Variants in ATP2C2 observed in about 807,000 individuals in gnomAD.
ATP2C2 encodes calcium-transporting ATPase type 2C member 2.
In ATP2C2, 171 loss-of-function variants were observed where a neutral mutation model predicts 110.8. The ratio of observed to expected loss-of-function variants is 1.54; its 90% CI spans 1.36 to 1.75. ATP2C2 has a LOEUF of 1.75. Ranked by LOEUF, ATP2C2 falls within the 40% of genes most tolerant of loss-of-function variation. The pLI, the probability that ATP2C2 is intolerant of heterozygous loss-of-function variation, is 0.00. For synonymous variants in ATP2C2, 804 were observed against 508.4 expected (o/e 1.58, Z -7.82); for missense variants, 1,963 against 1,235.0 (o/e 1.59, Z -8.84).
rs372221780 is a variant in ATP2C2, at chr16:84,448,605, G to C, written c.1576G>C (p.Gly526Arg). The C allele has an allele frequency of 6.2e-6, 10 of 1,613,882 alleles. No individual in the cohort carries two copies. Among genetic ancestry groups the C allele is most frequent in the Non-Finnish European group, 8.5e-6 (10 of 1,179,950 alleles). Residue 526 changes from glycine to arginine, a missense_variant, in exon 17 of 27, where the codon GGG becomes CGG. Transcript: ENST00000262429. ...CCGCTACTGCACCATGTACAACAAC[G>C]GGGGCATCCCCCTGCCGCTGACGCC... ...VIRYCTMYNN[G>R]GIPLPLTPQQ...
chr16:84,408,123 C>A (rs531347324), intron 3 of ATP2C2, among the ~76,000 whole-genome samples: 1 of 152,164 alleles, frequency 6.6e-6, no homozygotes, highest in Non-Finnish European at 1.5e-5. Context: ...CCTGGAGCGT[C>A]ATGGAGATGT....
At chr16:84,453,291 A>G (rs373341162) in intron 19 of ATP2C2, 30 bp from the exon 20 acceptor site, 2 of 1,613,844 alleles carry the variant, frequency 1.2e-6, no homozygotes, top group African/African-American at 1.3e-5. Flanking sequence ...TTGAAATCTG[A>G]TTCTTCGTCT....
chr16:84,391,956 T>C (rs1904691046), intron 1 of ATP2C2, among the ~76,000 whole-genome samples: 2 of 152,092 alleles, frequency 1.3e-5, no homozygotes, highest in Admixed American at 1.3e-4. Flanking sequence ...ATTACGACGA[T>C]TGTTCTGCAA....
intron 3 of ATP2C2, among the ~76,000 whole-genome samples, chr16:84,407,890 G>A (rs552375977): frequency 6.6e-6 from 1 of 152,312 alleles, no homozygotes; most frequent in African/African-American, 2.4e-5. Flanking sequence ...AGATGTCTCT[G>A]AAATGAAAGG....
chr16:84,386,891 G>A (rs938148416), intron 1 of ATP2C2, among the ~76,000 whole-genome samples: 2 of 150,772 alleles, frequency 1.3e-5, no homozygotes, highest in Non-Finnish European at 3.0e-5. Context: ...CCTGTTGGCT[G>A]CATTTAGGGT....
At chr16:84,463,318 G>A (rs995724018) in intron 26 of ATP2C2, among the ~76,000 whole-genome samples, 1 of 152,156 alleles carries the variant, frequency 6.6e-6, no homozygotes, top group African/African-American at 2.4e-5. Flanking sequence ...GCTGCTGTAG[G>A]GAAAGGAAAC....
intron 2 of ATP2C2, among the ~76,000 whole-genome samples, chr16:84,400,988 T>G (rs1341248025): frequency 6.6e-6 from 1 of 152,218 alleles, no homozygotes; most frequent in East Asian, 1.9e-4. Flanking sequence ...AGATGGGTAG[T>G]TTGCAAATAT....
intron 20 of ATP2C2, among the ~76,000 whole-genome samples, chr16:84,453,939 T>G (rs247883): frequency 1.3e-5 from 2 of 152,110 alleles, no homozygotes; most frequent in Non-Finnish European, 2.9e-5. Flanking sequence ...CTCCCAGGGT[T>G]AAGCGATTCT....
intron 1 of ATP2C2, among the ~76,000 whole-genome samples, chr16:84,370,675 C>CTTTTTT (rs112540313): frequency 1.5e-4 from 22 of 143,750 alleles, no homozygotes; most frequent in South Asian, 4.5e-4. Flanking sequence ...TTGGAATTGT[C>CTTTTTT]TTTTTTTTTT....
At chr16:84,374,534 C>G (rs555209929) in intron 1 of ATP2C2, among the ~76,000 whole-genome samples, 1 of 152,230 alleles carries the variant, frequency 6.6e-6, no homozygotes, top group Admixed American at 6.5e-5. Flanking sequence ...TCCCGGAAAC[C>G]CTGCCCCCAA....
intron 1 of ATP2C2, among the ~76,000 whole-genome samples, chr16:84,390,810 A>G (rs1224897375): frequency 6.6e-6 from 1 of 152,124 alleles, no homozygotes; most frequent in African/African-American, 2.4e-5. Context: ...AGCTTTAAAA[A>G]GGGAAACACA....
At chr16:84,460,336 A>G in intron 23 of ATP2C2, 1 of 381,470 alleles carries the variant, frequency 2.6e-6, no homozygotes, top group Admixed American at 4.2e-5. Context: ...CTGTTTCTCC[A>G]GGCGCAACGT....
intron 3 of ATP2C2, among the ~76,000 whole-genome samples, chr16:84,406,308 A>T (rs1209261000): frequency 6.6e-6 from 1 of 152,272 alleles, no homozygotes. Context: ...TTGCAGGACC[A>T]GTTCAGAAAG....
At chr16:84,412,007 C>G (rs1354830191) in intron 6 of ATP2C2, among the ~76,000 whole-genome samples, 6 of 120,704 alleles carry the variant, frequency 5.0e-5, no homozygotes, top group Non-Finnish European at 9.0e-5. Context: ...CTTTCTTTTT[C>G]TTTTTGTTGT....
chr16:84,420,436 C>T lies in ATP2C2; in HGVS notation c.625-1954C>T, dbSNP rs939529352. ...CTCCTTCTCTTCGTAGTTTTCTTCC[C>T]GGGGTGGGGGTCATCTTTGATCTCT... is the stretch of plus-strand genomic sequence containing the variant. On this transcript the variant is annotated intron_variant, in intron 7 of 26. Coordinates refer to ENST00000262429, the MANE Select transcript of ATP2C2 (RefSeq NM_014861.4). Among the ~76,000 whole-genome samples, 11 of 151,764 alleles carry T rather than the reference C, an allele frequency of 7.2e-5. No individual in the cohort carries two copies. In the East Asian group the frequency reaches 7.7e-4, roughly 11 times the overall value.
At chr16:84,391,132 A>AG (rs1555552676) in intron 1 of ATP2C2, among the ~76,000 whole-genome samples, 34 of 149,486 alleles carry the variant, frequency 2.3e-4, no homozygotes, top group Non-Finnish European at 1.8e-4. Context: ...AAAAAAAAAA[A>AG]AAGAAGAAGA....
In ATP2C2 at chr16:84,461,831, C is replaced by G; in HGVS notation, c.2580+19C>G. On this transcript the variant is annotated intron_variant, in intron 25 of 26. Transcript: ENST00000262429. The stretch of plus-strand genomic sequence containing the variant: ...CTCTCAGGTGAGACCCGGGCTGACC[C>G]TCCTCGCTGCAGAGCTGCTGTGTGT... The G allele has an allele frequency of 3.1e-6, 5 of 1,611,386 alleles. No individual in the cohort carries two copies. Among genetic ancestry groups the G allele is most frequent in the Non-Finnish European group, 4.2e-6 (5 of 1,177,464 alleles).
chr16:84,383,788 T>TG (rs1491387344), intron 1 of ATP2C2, among the ~76,000 whole-genome samples: 8 of 10,546 alleles, frequency 7.6e-4, no homozygotes, highest in Non-Finnish European at 4.1e-3. Flanking sequence ...GTTTTGTTGG[T>TG]TTTTTTTTTT....
In ATP2C2 at chr16:84,454,125, T is replaced by C. The variant is rs11647077; in HGVS notation, c.1981-693T>C. Among the ~76,000 whole-genome samples the C allele has an allele frequency of 8.9e-3, 1,351 of 152,116 alleles. 10 individuals carry two copies. The highest frequency in any genetic ancestry group is 0.014 in the Non-Finnish European group (963 of 68,004). On this transcript the variant is annotated intron_variant, in intron 20 of 26. Transcript: ENST00000262429. ...CAAAGTGCTGGGTGCTTTTTGGCTT[T>C]ATTCCTTTTACTCAACTCCGTGCCT...
Sources: gnomAD v4.1 joint callset for allele counts (sites outside exome capture counted in the v4.1 genomes callset) on GRCh38, gnomAD v4.1.1 for gene constraint, MANE v1.5 for transcripts, NCBI Gene and HGNC (gene_info 2026-07-23, HGNC 2026-07-21) for gene names.